Variants in BCAT1 observed in about 807,000 individuals in gnomAD.
The protein encoded by BCAT1 is branched-chain-amino-acid aminotransferase, cytosolic.
In BCAT1, 48 loss-of-function variants were observed where a neutral mutation model predicts 52.4. That is an observed-to-expected ratio of 0.92 (90% confidence interval 0.73 to 1.16). BCAT1 has a LOEUF of 1.16. BCAT1 is among the 50% of genes most tolerant of loss of function. BCAT1 has a pLI of 0.00. For synonymous variants in BCAT1, 167 were observed against 161.3 expected, an observed-to-expected ratio of 1.04 and a Z score of -0.27; for missense variants, 451 against 457.1, an observed-to-expected ratio of 0.99 and a Z score of 0.12.
intron 3 of BCAT1, among the ~76,000 whole-genome samples, chr12:24,882,704 T>C (rs567720054): frequency 2.9e-4 from 43 of 149,876 alleles, no homozygotes; most frequent in African/African-American, 1.0e-3. Flanking sequence ...GTTCAAGCAA[T>C]CCTCCCACCT....
intron 4 of BCAT1, among the ~76,000 whole-genome samples, chr12:24,880,501 G>C (rs927479309): frequency 2.0e-5 from 3 of 151,996 alleles, no homozygotes; most frequent in Non-Finnish European, 2.9e-5. Flanking sequence ...TGCTCCATAA[G>C]AAACATTGTG....
chr12:24,842,478 T>C (rs753553285), intron 6 of BCAT1, among the ~76,000 whole-genome samples: 19 of 150,200 alleles, frequency 1.3e-4, no homozygotes, highest in South Asian at 8.3e-4. Flanking sequence ...AATGTAATGA[T>C]AGAAGAACAC....
At position 24,842,152 on chromosome 12, in the gene BCAT1, A is replaced by G. The variant is rs777474996; in HGVS notation, c.747T>C (p.Tyr249=). 10 of 1,613,458 alleles carry G rather than the reference A, an allele frequency of 6.2e-6. No individual in the cohort carries two copies. In the African/African-American group the frequency reaches 6.7e-5, roughly 11 times the overall value. The stretch of plus-strand genomic sequence containing the variant: ...CTTCAGTGATCTGATGGTCCTCTCC[A>G]TAGAGCCACAGGACCTGCTGACACC... The part of the protein sequence containing the change: ...DNGCQQVLWL[Y]GEDHQITEVG... Residue 249 remains tyrosine (Y), a synonymous_variant, in exon 7 of 11, where the codon TAT becomes TAC. Coordinates refer to ENST00000261192, the MANE Select transcript of BCAT1 (RefSeq NM_005504.7).
At chr12:24,876,575 T>C (rs957960306) in intron 5 of BCAT1, among the ~76,000 whole-genome samples, 1 of 152,148 alleles carries the variant, frequency 6.6e-6, no homozygotes, top group African/African-American at 2.4e-5. Context: ...AAACCAGGAA[T>C]AGGAGTATCA....
rs114091327 is a variant in BCAT1 at position 24,821,321 on chromosome 12, C to T, written c.1120-3272G>A. ...TGCTCCTATCTCATTCAAGCTGCCC[C>T]TTTCCTATGCTTCAGATGTCCATCT... On this transcript the variant is annotated intron_variant, in intron 10 of 10. Coordinates refer to ENST00000261192, the MANE Select transcript of BCAT1 (RefSeq NM_005504.7). Among the ~76,000 whole-genome samples, 719 of 152,276 alleles carry T rather than the reference C, an allele frequency of 4.7e-3. 6 individuals carry two copies. Among genetic ancestry groups the T allele is most frequent in the African/African-American group, 0.016 (667 of 41,550 alleles).
In BCAT1 at chr12:24,814,716, G is replaced by A. The variant is rs1939809864; in HGVS notation, c.*3292C>T. On this transcript the variant is annotated 3_prime_UTR_variant, in exon 11 of 11. Coordinates refer to ENST00000261192, the MANE Select transcript of BCAT1 (RefSeq NM_005504.7). ...CCAAGGTGTAACTTAGGTTTCCCAT[G>A]TCTTCAAGAGAGCTGACATTGCATG... 1 of 150,912 alleles carries A rather than the reference G, an allele frequency of 6.6e-6. No individual in the cohort carries two copies. The highest frequency in any genetic ancestry group is 1.5e-5 in the Non-Finnish European group (1 of 67,854). 9.3% of individuals were successfully genotyped at this position (150,912 alleles called of 1,614,324 possible).
intron 1 of BCAT1, among the ~76,000 whole-genome samples, chr12:24,943,493 GAAAAAAAAAAAA>G (rs4031153): frequency 3.4e-5 from 2 of 58,554 alleles, no homozygotes; most frequent in Non-Finnish European, 6.4e-5. Context: ...ACCCTATCTG[GAAAAAAAAAAAA>G]AAAAAAAAAA....
chr12:24,893,750 G>A (rs1384738752), intron 3 of BCAT1, among the ~76,000 whole-genome samples: 1 of 152,146 alleles, frequency 6.6e-6, no homozygotes, highest in Non-Finnish European at 1.5e-5. Context: ...CTGGTTAATT[G>A]TGCACCCTGA....
intron 6 of BCAT1, among the ~76,000 whole-genome samples, chr12:24,844,566 G>C (rs1448810969): frequency 6.6e-6 from 1 of 151,988 alleles, no homozygotes; most frequent in Non-Finnish European, 1.5e-5. Context: ...ATTGCCATTG[G>C]AGCACGATGA....
At chr12:24,864,210 C>T (rs1417737434) in intron 5 of BCAT1, among the ~76,000 whole-genome samples, 1 of 152,068 alleles carries the variant, frequency 6.6e-6, no homozygotes, top group Non-Finnish European at 1.5e-5. Flanking sequence ...ATTATCGCAC[C>T]AGGAATGACC....
chr12:24,829,352 C>G (rs1362227832), intron 10 of BCAT1, among the ~76,000 whole-genome samples: 1 of 152,148 alleles, frequency 6.6e-6, no homozygotes, highest in East Asian at 1.9e-4. Flanking sequence ...CCATCGTACT[C>G]CAGCCTGGGC....
chr12:24,856,893 T>C (rs576015142), intron 5 of BCAT1, among the ~76,000 whole-genome samples: 2 of 152,348 alleles, frequency 1.3e-5, no homozygotes, highest in East Asian at 3.9e-4. Context: ...TTTTATGTCC[T>C]TGAAAGCTTG....
At chr12:24,917,410 C>T (rs4963821) in intron 1 of BCAT1, among the ~76,000 whole-genome samples, 73,127 of 151,954 alleles carry the variant, frequency 0.48, 21,018 homozygotes, top group Non-Finnish European at 0.66. Context: ...TCTCGATCTC[C>T]TGACCTCGTG....
intron 3 of BCAT1, among the ~76,000 whole-genome samples, chr12:24,884,213 T>C (rs1323478455): frequency 2.0e-5 from 3 of 152,168 alleles, no homozygotes; most frequent in Admixed American, 1.3e-4. Context: ...GGGGAACCCG[T>C]TGGACATTAT....
At chr12:24,949,211 C>A, upstream of BCAT1, 1 of 506,894 alleles carries the variant, frequency 2.0e-6, no homozygotes, top group Non-Finnish European at 3.5e-6. Flanking sequence ...TCTCCCAGCC[C>A]GAAGATTCGG....
At chr12:24,909,597 C>A (rs1177039966) in intron 1 of BCAT1, among the ~76,000 whole-genome samples, 1 of 152,188 alleles carries the variant, frequency 6.6e-6, no homozygotes, top group Non-Finnish European at 1.5e-5. Context: ...TACCTTTCTT[C>A]TTCTAGCTTC....
At chr12:24,876,224 T>C (rs1289519550) in intron 5 of BCAT1, among the ~76,000 whole-genome samples, 1 of 139,340 alleles carries the variant, frequency 7.2e-6, no homozygotes, top group Non-Finnish European at 1.5e-5. Context: ...TGCAGCTGTA[T>C]TAGAAAACTA....
At chr12:24,888,986 G>A (rs1219736241) in intron 3 of BCAT1, among the ~76,000 whole-genome samples, 1 of 152,128 alleles carries the variant, frequency 6.6e-6, no homozygotes, top group African/African-American at 2.4e-5. Flanking sequence ...TGCATAAAAG[G>A]ATTAGGGTGG....
At chr12:24,832,595 A>G (rs535737284) in intron 9 of BCAT1, 128 bp downstream of exon 9, 2 of 1,177,972 alleles carry the variant, frequency 1.7e-6, no homozygotes, top group Non-Finnish European at 2.3e-6. Context: ...AAATAAAGAA[A>G]AACAACAACA....
Sources: allele counts gnomAD v4.1 joint callset (sites outside exome capture counted in the v4.1 genomes callset), GRCh38; gene constraint gnomAD v4.1.1; transcripts MANE v1.5; gene names NCBI Gene and HGNC (gene_info 2026-07-23, HGNC 2026-07-21).